The following RIT2 variants were observed in gnomAD, a reference collection of about 807,000 sequenced individuals.
RIT2 encodes Ras like without CAAX 2.
RIT2 carries 24 observed loss-of-function variants against 23.7 expected under a neutral mutation model. That is an observed-to-expected ratio of 1.01 (90% CI 0.73 to 1.43). The LOEUF (loss-of-function observed/expected upper bound fraction) is 1.43, where lower values mean the gene tolerates loss of function less well. Among genes scored for constraint, RIT2 ranks in the 40% most tolerant of loss-of-function variants. The pLI is 0.00. For missense variants in RIT2, 236 were observed against 266.9 expected (o/e 0.88, Z 0.81); for synonymous variants, 107 against 91.1 (o/e 1.17, Z -0.99).
chr18:43,082,580 A>G (rs937191932), intron 1 of RIT2, among the ~76,000 whole-genome samples: 5 of 152,208 alleles, frequency 3.3e-5, no homozygotes, highest in African/African-American at 9.7e-5. Context: ...CAATATATGC[A>G]AATAAATAAA....
chr18:42,887,456 T>A (rs1002362330), intron 4 of RIT2, among the ~76,000 whole-genome samples: 1 of 152,122 alleles, frequency 6.6e-6, no homozygotes, highest in Admixed American at 6.5e-5. Flanking sequence ...AATGTATCAC[T>A]CCATACATAA....
intron 4 of RIT2, among the ~76,000 whole-genome samples, chr18:42,762,297 T>C (rs1444760129): frequency 6.6e-6 from 1 of 152,192 alleles, no homozygotes; most frequent in Non-Finnish European, 1.5e-5. Context: ...GATTGTTTTG[T>C]CTTATTTTCA....
intron 1 of RIT2, among the ~76,000 whole-genome samples, chr18:43,061,144 A>T (rs540267932): frequency 2.6e-5 from 4 of 152,158 alleles, no homozygotes; most frequent in African/African-American, 9.7e-5. Flanking sequence ...TTTGATTTCA[A>T]GTTTGCCAGA....
rs887176074 is a variant in RIT2, at chr18:43,096,128, G to A, written c.103+19289C>T. Among the ~76,000 whole-genome samples the A allele has an allele frequency of 3.3e-5, 5 of 151,818 alleles. No individual in the cohort carries two copies. In the East Asian group the frequency reaches 5.8e-4, roughly 18 times the overall value. ...AAAGGAAGGAAGGAAACAGAGGAGT[G>A]AATATAAATCCCAACTTGTAAACAA... On this transcript the variant is annotated intron_variant, in intron 1 of 4. Transcript: ENST00000326695.
At chr18:42,929,692 C>G (rs550215436) in intron 3 of RIT2, among the ~76,000 whole-genome samples, 13 of 152,250 alleles carry the variant, frequency 8.5e-5, no homozygotes, top group Admixed American at 5.9e-4. Context: ...AATTTCAAGA[C>G]AGCAAGAATA....
At chr18:42,887,326 C>T (rs1018324120) in intron 4 of RIT2, among the ~76,000 whole-genome samples, 2 of 152,090 alleles carry the variant, frequency 1.3e-5, no homozygotes, top group Non-Finnish European at 2.9e-5. Flanking sequence ...CAAAAAACAT[C>T]ATGTTATTTA....
chr18:42,747,053 A>G (rs573770315), intron 4 of RIT2, among the ~76,000 whole-genome samples: 1 of 152,046 alleles, frequency 6.6e-6, no homozygotes, highest in Non-Finnish European at 1.5e-5. Context: ...CCTAGGCAGA[A>G]CAATCAGACA....
intron 4 of RIT2, among the ~76,000 whole-genome samples, chr18:42,843,127 A>G (rs1360087889): frequency 1.3e-5 from 2 of 152,242 alleles, no homozygotes; most frequent in African/African-American, 4.8e-5. Context: ...AGCCATGACT[A>G]GCAGACAAAG....
chr18:42,815,287 C>T (rs1453597172), intron 4 of RIT2, among the ~76,000 whole-genome samples: 1 of 152,120 alleles, frequency 6.6e-6, no homozygotes, highest in East Asian at 1.9e-4. Flanking sequence ...GTCAAAACCT[C>T]AGGAAACAAT....
At chr18:43,057,798 C>CT (rs11393575) in intron 1 of RIT2, among the ~76,000 whole-genome samples, 17,359 of 122,684 alleles carry the variant, frequency 0.14, 2,473 homozygotes, top group East Asian at 0.36. Flanking sequence ...GTGATGGACA[C>CT]TTTTTTTTTT....
intron 2 of RIT2, among the ~76,000 whole-genome samples, chr18:43,015,016 A>T (rs1046465713): frequency 6.6e-6 from 1 of 151,794 alleles, no homozygotes; most frequent in Non-Finnish European, 1.5e-5. Context: ...ATGTTTAGGC[A>T]TGCTTGTTTT....
At chr18:42,936,227 A>G (rs970450350) in intron 3 of RIT2, among the ~76,000 whole-genome samples, 2 of 152,126 alleles carry the variant, frequency 1.3e-5, no homozygotes, top group Non-Finnish European at 2.9e-5. Context: ...CTCCTGCCTC[A>G]ATATCATATG....
At chr18:43,008,802 A>T (rs1911283388) in intron 2 of RIT2, among the ~76,000 whole-genome samples, 1 of 151,648 alleles carries the variant, frequency 6.6e-6, no homozygotes, top group Non-Finnish European at 1.5e-5. Context: ...ACCTTGATAA[A>T]CAAGATAATT....
chr18:43,043,719 G>A (rs1005281489), intron 1 of RIT2, among the ~76,000 whole-genome samples: 1 of 152,088 alleles, frequency 6.6e-6, no homozygotes, highest in Non-Finnish European at 1.5e-5. Context: ...CAATCAGGGA[G>A]GTGGAGGTTG....
intron 2 of RIT2, among the ~76,000 whole-genome samples, chr18:42,991,434 A>G (rs1910845229): frequency 6.6e-6 from 1 of 152,188 alleles, no homozygotes; most frequent in African/African-American, 2.4e-5. Flanking sequence ...ACTTCCGTGT[A>G]TCCACTGCAG....
intron 4 of RIT2, among the ~76,000 whole-genome samples, chr18:42,795,900 T>C (rs565871649): frequency 3.7e-4 from 56 of 152,230 alleles, no homozygotes; most frequent in African/African-American, 1.3e-3. Flanking sequence ...ACTCTGTATC[T>C]AGTTAATCTA....
intron 4 of RIT2, among the ~76,000 whole-genome samples, chr18:42,788,894 G>C (rs1913979761): frequency 2.6e-5 from 4 of 152,192 alleles, no homozygotes; most frequent in African/African-American, 9.7e-5. Flanking sequence ...GGACAACCAT[G>C]TAACATCAGT....
chr18:43,060,834 T>G (rs113088591), intron 1 of RIT2, among the ~76,000 whole-genome samples: 1 of 152,124 alleles, frequency 6.6e-6, no homozygotes, highest in Admixed American at 6.6e-5. Flanking sequence ...CTCTGTTGCA[T>G]GTAAAATCAG....
chr18:42,933,538 T>C (rs1909378808), intron 3 of RIT2, among the ~76,000 whole-genome samples: 1 of 152,042 alleles, frequency 6.6e-6, no homozygotes, highest in Admixed American at 6.6e-5. Context: ...GTTCTCATGA[T>C]AATGAGTGAG....
Sources: gnomAD v4.1 joint callset for allele counts (sites outside exome capture counted in the v4.1 genomes callset) on GRCh38, gnomAD v4.1.1 for gene constraint, MANE v1.5 for transcripts, NCBI Gene and HGNC (gene_info 2026-07-23, HGNC 2026-07-21) for gene names.